The following PARD3B variants were observed in gnomAD, a reference collection of about 807,000 sequenced individuals.
The protein encoded by PARD3B is partitioning defective 3 homolog B.
In PARD3B, 103 loss-of-function variants were observed where a neutral mutation model predicts 130.2. The observed-to-expected ratio is 0.79, with a 90% CI of 0.67 to 0.93. The LOEUF (loss-of-function observed/expected upper bound fraction) is 0.93, where lower values mean the gene tolerates loss of function less well. Among genes scored for constraint, PARD3B ranks in the 40% least tolerant of loss-of-function variants. The pLI is 0.00. For missense variants in PARD3B, 1,609 were observed against 1,499.2 expected (o/e 1.07, Z -1.21); for synonymous variants, 583 against 553.2 (o/e 1.05, Z -0.76).
At chr2:204,585,770 A>G (rs2032791214) in intron 1 of PARD3B, among the ~76,000 whole-genome samples, 1 of 152,072 alleles carries the variant, frequency 6.6e-6, no homozygotes, top group Non-Finnish European at 1.5e-5. Flanking sequence ...CCTCTCTCCC[A>G]TTCAACATGT....
At chr2:205,040,652 C>T (rs1366135296) in intron 3 of PARD3B, among the ~76,000 whole-genome samples, 3 of 152,120 alleles carry the variant, frequency 2.0e-5, no homozygotes, top group African/African-American at 4.8e-5. Context: ...TTTTCTACTT[C>T]TTTCTCTCTT....
At chr2:205,602,303 T>A (rs1352917397) in intron 22 of PARD3B, among the ~76,000 whole-genome samples, 1 of 152,268 alleles carries the variant, frequency 6.6e-6, no homozygotes, top group Non-Finnish European at 1.5e-5. Context: ...GATTTTTGCA[T>A]TGACGTTCAT....
chr2:205,615,404 C>G, intron 22 of PARD3B, 52 bp from the exon 23 acceptor site: 1 of 1,472,306 alleles, frequency 6.8e-7, no homozygotes, highest in Non-Finnish European at 9.2e-7. Flanking sequence ...TGTTCTCCAG[C>G]CGGACGGCCA....
At chr2:205,462,627 A>G (rs1339085891) in intron 20 of PARD3B, among the ~76,000 whole-genome samples, 1 of 152,206 alleles carries the variant, frequency 6.6e-6, no homozygotes, top group Non-Finnish European at 1.5e-5. Context: ...TCCTCATTCC[A>G]GGCACATGGA....
At chr2:205,065,625 T>C (rs1700325291) in intron 4 of PARD3B, among the ~76,000 whole-genome samples, 1 of 152,142 alleles carries the variant, frequency 6.6e-6, no homozygotes, top group Non-Finnish European at 1.5e-5. Flanking sequence ...GGCTTGGTGC[T>C]GTTCTGGTGG....
chr2:205,277,157 C>T (rs1227319516), intron 16 of PARD3B, among the ~76,000 whole-genome samples: 3 of 152,120 alleles, frequency 2.0e-5, no homozygotes, highest in Admixed American at 6.5e-5. Flanking sequence ...CTCTGCTGGC[C>T]GTTGATAGAA....
intron 1 of PARD3B, among the ~76,000 whole-genome samples, chr2:204,626,564 T>TA (rs1197161805): frequency 2.0e-5 from 3 of 151,938 alleles, no homozygotes; most frequent in African/African-American, 7.2e-5. Context: ...TTTACATATT[T>TA]AAAAAAAGTC....
intron 4 of PARD3B, among the ~76,000 whole-genome samples, chr2:205,085,606 C>T (rs1453794214): frequency 1.3e-5 from 2 of 151,814 alleles, no homozygotes; most frequent in Non-Finnish European, 2.9e-5. Flanking sequence ...CATTATCATT[C>T]ATTGCTTTTC....
intron 10 of PARD3B, among the ~76,000 whole-genome samples, chr2:205,143,344 G>GA (rs1220685343): frequency 6.6e-6 from 1 of 152,020 alleles, no homozygotes; most frequent in Non-Finnish European, 1.5e-5. Context: ...GGATTAATTT[G>GA]AAAAAATTAA....
At chr2:205,445,107 A>T (rs572944063) in intron 20 of PARD3B, among the ~76,000 whole-genome samples, 2 of 152,282 alleles carry the variant, frequency 1.3e-5, no homozygotes, top group Admixed American at 6.5e-5. Context: ...GAGAATTCAG[A>T]GACTGTCTAG....
intron 1 of PARD3B, among the ~76,000 whole-genome samples, chr2:204,651,991 A>G (rs2035494715): frequency 6.6e-6 from 1 of 152,158 alleles, no homozygotes; most frequent in South Asian, 2.1e-4. Flanking sequence ...AGCACAGAAC[A>G]TCTAGGCCCT....
chr2:205,367,964 A>G (rs1463793265), intron 18 of PARD3B, among the ~76,000 whole-genome samples: 2 of 152,248 alleles, frequency 1.3e-5, no homozygotes, highest in Non-Finnish European at 2.9e-5. Flanking sequence ...TAAGTAAATA[A>G]GGATGGTCAC....
At position 205,268,123 on chromosome 2, in the gene PARD3B, T is replaced by G. The variant is rs1343365521; in HGVS notation, c.2185+22301T>G. On this transcript the variant is annotated intron_variant, in intron 16 of 22. Transcript: ENST00000406610. This position sits in a 1 kb window ranked among gnomAD's most constrained non-coding sequence, Gnocchi z 4.1. Reference sequence around the variant, plus strand: ...TGCCTTCTCCAATGAGAAAGAATGCTGACACAGAAATGTTTTAGAGTCAAC... The same window carrying G: ...TGCCTTCTCCAATGAGAAAGAATGCGGACACAGAAATGTTTTAGAGTCAAC... 6.6e-6 allele frequency among the ~76,000 whole-genome samples: 1 copy of G among 152,188 alleles called. No homozygotes were observed. The highest frequency in any genetic ancestry group is 1.5e-5 in the Non-Finnish European group (1 of 68,026).
chr2:204,649,414 C>T (rs909680984), intron 1 of PARD3B, among the ~76,000 whole-genome samples: 19 of 151,610 alleles, frequency 1.3e-4, no homozygotes, highest in African/African-American at 4.6e-4. Flanking sequence ...TACTTTCTTC[C>T]CTGTTTTGTA....
intron 19 of PARD3B, among the ~76,000 whole-genome samples, chr2:205,404,892 T>C (rs2046368472): frequency 6.6e-6 from 1 of 152,182 alleles, no homozygotes; most frequent in Admixed American, 6.5e-5. Context: ...ACCTCCTAAA[T>C]CATATAATCC....
chr2:204,990,876 C>A (rs1693610567), intron 3 of PARD3B, among the ~76,000 whole-genome samples: 1 of 152,082 alleles, frequency 6.6e-6, no homozygotes, highest in Non-Finnish European at 1.5e-5. Flanking sequence ...CATAGGATAA[C>A]TTTTTATTTT....
chr2:204,761,447 T>C (rs1010786115), intron 2 of PARD3B, among the ~76,000 whole-genome samples: 4 of 152,202 alleles, frequency 2.6e-5, no homozygotes, highest in African/African-American at 9.7e-5. Context: ...CAATCAGTCC[T>C]TAAGCTGTGT....
intron 2 of PARD3B, among the ~76,000 whole-genome samples, chr2:204,780,092 A>G (rs1226525808): frequency 6.6e-6 from 1 of 152,140 alleles, no homozygotes; most frequent in Non-Finnish European, 1.5e-5. Flanking sequence ...GTAAAACTGA[A>G]TTTGCAAACC....
chr2:205,326,271 A>G (rs1472355519), intron 18 of PARD3B, among the ~76,000 whole-genome samples: 2 of 152,224 alleles, frequency 1.3e-5, no homozygotes, highest in African/African-American at 2.4e-5. Context: ...CCAAGTCTTA[A>G]TGACACTTTA....
Sources: gnomAD v4.1 joint callset for allele counts (sites outside exome capture counted in the v4.1 genomes callset) on GRCh38, gnomAD v4.1.1 for gene constraint, Gnocchi (gnomAD v3.1) non-coding constraint, MANE v1.5 for transcripts, NCBI Gene and HGNC (gene_info 2026-07-23, HGNC 2026-07-21) for gene names.